The following ALDH6A1 variants were observed in gnomAD, a reference collection of about 807,000 sequenced individuals.
The protein encoded by ALDH6A1 is aldehyde dehydrogenase 6 family member A1, also known as methylmalonate-semialdehyde/malonate-semialdehyde dehydrogenase [acylating], mitochondrial.
In ALDH6A1, 43 loss-of-function variants were observed where a neutral mutation model predicts 62.6. That is an observed-to-expected ratio of 0.69 (90% CI 0.54 to 0.89). The LOEUF (loss-of-function observed/expected upper bound fraction) is 0.89, where lower values mean the gene tolerates loss of function less well. Among genes scored for constraint, ALDH6A1 ranks in the 40% least tolerant of loss-of-function variants. The probability of loss-of-function intolerance (pLI) is 0.00; values close to 1 mark genes in which losing one functional copy is unlikely to be tolerated. For missense variants in ALDH6A1, 551 were observed against 661.3 expected, an observed-to-expected ratio of 0.83 and a Z score of 1.83; for synonymous variants, 194 against 234.2, an observed-to-expected ratio of 0.83 and a Z score of 1.57.
intron 1 of ALDH6A1, 105 bp from the exon 2 acceptor site, chr14:74,075,122 G>A: frequency 9.9e-7 from 1 of 1,009,652 alleles, no homozygotes; most frequent in South Asian, 1.4e-5. Flanking sequence ...TAGGGGGTAT[G>A]TTTCTCTCAA....
intron 4 of ALDH6A1, 93 bp from the exon 5 acceptor site, chr14:74,072,067 C>T: frequency 6.4e-7 from 1 of 1,558,510 alleles, no homozygotes; most frequent in Non-Finnish European, 8.8e-7. Flanking sequence ...GGAGGAGATG[C>T]AGTACAAGGG....
chr14:74,069,415 A>G (rs1049393359), intron 6 of ALDH6A1, among the ~76,000 whole-genome samples: 1 of 151,570 alleles, frequency 6.6e-6, no homozygotes, highest in Non-Finnish European at 1.5e-5. Flanking sequence ...GTTTTTCTGT[A>G]CTGGATTCTC....
At chr14:74,070,084 G>A (rs997746645) in intron 6 of ALDH6A1, among the ~76,000 whole-genome samples, 4 of 151,748 alleles carry the variant, frequency 2.6e-5, no homozygotes, top group Non-Finnish European at 2.9e-5. Flanking sequence ...CAAGTGATCC[G>A]CCTGCCTTCA....
intron 6 of ALDH6A1, 43 bp from the exon 7 acceptor site, chr14:74,069,024 G>A: frequency 6.2e-7 from 1 of 1,603,254 alleles, no homozygotes; most frequent in Non-Finnish European, 8.5e-7. Context: ...GGAGCAAATG[G>A]ATTCTCAACA....
rs557018466 is a variant in ALDH6A1 at position 74,071,739 on chromosome 14, G to C, written c.427+157C>G. ...TAAAGAGTAAAGTAAATCAGTCTTAGGGATACTGAATACTGCCATTTTTCA... is the reference window on the plus strand; with the variant it reads ...TAAAGAGTAAAGTAAATCAGTCTTACGGATACTGAATACTGCCATTTTTCA... On this transcript the variant is annotated intron_variant, in intron 5 of 11. Transcript: ENST00000553458. 27 of 1,444,640 alleles carry C rather than the reference G, an allele frequency of 1.9e-5. No individual in the cohort carries two copies. The East Asian group carries it at 6.0e-4, about 32-fold the overall frequency. The allele number at this position is 1,444,640 out of a possible 1,614,324, so 89.5% of individuals were successfully genotyped here.
Position 74,057,334 on chromosome 14 carries a change from T to A in ALDH6A1, c.*3308A>T, listed in dbSNP as rs1311726938. 1.9e-6 allele frequency: 3 copies of A among 1,598,556 alleles called. No homozygotes were observed. The highest frequency in any genetic ancestry group is 2.6e-6 in the Non-Finnish European group (3 of 1,171,606). On this transcript the variant is annotated 3_prime_UTR_variant, in exon 12 of 12. Coordinates refer to ENST00000553458, the MANE Select transcript of ALDH6A1 (RefSeq NM_005589.4). ...CATGTCGCTTCTTGCTAAATCACGG[T>A]TATTTTCTCTACTAGTTGAGAGACT...
rs2139723860 is a variant in ALDH6A1, at chr14:74,060,552, C to A, written c.*90G>T. The A allele has an allele frequency of 1.0e-6, 1 of 978,106 alleles. No homozygotes were observed. 60.6% of individuals were successfully genotyped at this position (978,106 alleles called of 1,614,324 possible). On this transcript the variant is annotated 3_prime_UTR_variant, in exon 12 of 12. Transcript: ENST00000553458. ...TAGTTACAATGTATTCCAATCCCAT[C>A]GATCTGATCTGAGCAAAGCTGACAA...
chr14:74,067,571 TA>T lies in ALDH6A1; in HGVS notation c.853-3del, dbSNP rs528185481. The stretch of plus-strand genomic sequence containing the variant: ...GACTACCCCATGGTTCTTGGCTCCC[TA>T]AAAAAAAATGCAGAAAGCACATGAG... On this transcript the variant is annotated splice_region_variant and splice_polypyrimidine_tract_variant and intron_variant, in intron 7 of 11. Coordinates refer to ENST00000553458, the MANE Select transcript of ALDH6A1 (RefSeq NM_005589.4). 8.7e-5 allele frequency: 135 copies of T among 1,555,220 alleles called. No homozygotes were observed. Among genetic ancestry groups the T allele is most frequent in the Non-Finnish European group, 8.1e-5 (92 of 1,135,646 alleles).
chr14:74,082,343 C>T (rs4903179), intron 1 of ALDH6A1, among the ~76,000 whole-genome samples: 36,141 of 148,454 alleles, frequency 0.24, 4,930 homozygotes, highest in South Asian at 0.46. Context: ...ACTTTCTCCT[C>T]TATAAATCCT....
chr14:74,073,854 G>A (rs1209079214), intron 2 of ALDH6A1, among the ~76,000 whole-genome samples: 2 of 148,494 alleles, frequency 1.3e-5, no homozygotes, highest in Non-Finnish European at 3.0e-5. Context: ...GGAGGTGGAG[G>A]TTGCAGTGAG....
In ALDH6A1 at chr14:74,057,785, T is replaced by A; in HGVS notation, c.*2857A>T. 1 of 1,088,624 alleles carries A rather than the reference T, an allele frequency of 9.2e-7. No homozygotes were observed. Among genetic ancestry groups the A allele is most frequent in the Non-Finnish European group, 1.1e-6 (1 of 890,122 alleles). The allele number at this position is 1,088,624 out of a possible 1,614,324, so 67.4% of individuals were successfully genotyped here. Reference sequence around the variant, plus strand: ...GAAAATACTGACTTTTTAGCCGCGATCACATGAATATAACTGATGAGTTTT... The same window carrying A: ...GAAAATACTGACTTTTTAGCCGCGAACACATGAATATAACTGATGAGTTTT... On this transcript the variant is annotated 3_prime_UTR_variant, in exon 12 of 12. Coordinates refer to ENST00000553458, the MANE Select transcript of ALDH6A1 (RefSeq NM_005589.4).
At chr14:74,072,439 A>T in intron 3 of ALDH6A1, 75 bp from the exon 4 acceptor site, 1 of 1,613,312 alleles carries the variant, frequency 6.2e-7, no homozygotes, top group South Asian at 1.1e-5. Context: ...CAGAAGTGGC[A>T]CTATGTGCTT....
In ALDH6A1 at chr14:74,080,614, A is replaced by T. The variant is rs183332530; in HGVS notation, c.48+3733T>A. Among the ~76,000 whole-genome samples, 571 of 151,452 alleles carry T rather than the reference A, an allele frequency of 3.8e-3. 6 individuals carry two copies. The highest frequency in any genetic ancestry group is 0.01 in the African/African-American group (417 of 41,260). On this transcript the variant is annotated intron_variant, in intron 1 of 11. Transcript: ENST00000553458. ...CACCATGCCCAGCTAATTAAAAAAA[A>T]TTTTTTTTTGTAGAGATGGGGCCTC...
intron 9 of ALDH6A1, 123 bp from the exon 10 acceptor site, chr14:74,065,483 T>C: frequency 1.1e-6 from 1 of 904,316 alleles, no homozygotes; most frequent in Non-Finnish European, 1.7e-6. Context: ...TACTAATCTC[T>C]TTTCATTTCA....
rs1235549090 is a variant in ALDH6A1, at chr14:74,059,373, A to G, written c.*1269T>C. On this transcript the variant is annotated 3_prime_UTR_variant, in exon 12 of 12. Coordinates refer to ENST00000553458, the MANE Select transcript of ALDH6A1 (RefSeq NM_005589.4). ...ACAATCCTTGATTTCTGGGCCTAAA[A>G]TAACTTTTGAAATAATTTTCTAAGA... The G allele has an allele frequency of 2.2e-6, 1 of 456,488 alleles. No individual in the cohort carries two copies. Among genetic ancestry groups the G allele is most frequent in the South Asian group, 1.6e-5 (1 of 64,516 alleles). The allele number at this position is 456,488 out of a possible 1,614,324, so 28.3% of individuals were successfully genotyped here.
rs576612358 is a variant in ALDH6A1, at chr14:74,060,278, G to A, written c.*364C>T. ...GCCTCCCAAAATGATGGAATTACAG[G>A]CGTGAGCCACCGCGCCTGGCTGGAA... On this transcript the variant is annotated 3_prime_UTR_variant, in exon 12 of 12. Coordinates refer to ENST00000553458, the MANE Select transcript of ALDH6A1 (RefSeq NM_005589.4). 1 of 249,364 alleles carries A rather than the reference G, an allele frequency of 4.0e-6. No individual in the cohort carries two copies. The highest frequency in any genetic ancestry group is 2.2e-5 in the African/African-American group (1 of 45,106). The allele number at this position is 249,364 out of a possible 1,614,324, so 15.4% of individuals were successfully genotyped here. A position where few individuals can be genotyped will look rare whatever the true frequency, so the allele number is the denominator to read the frequency against.
intron 8 of ALDH6A1, 140 bp from the exon 9 acceptor site, chr14:74,067,026 G>T (rs2060477676): frequency 2.4e-6 from 2 of 828,608 alleles, no homozygotes. Flanking sequence ...GACCAGCCTG[G>T]GCAACAAAGT....
In ALDH6A1 at chr14:74,065,264, T is replaced by A. The variant is rs2060442838; in HGVS notation, c.1321A>T (p.Asn441Tyr). ...ATGGCAGTTCCATTTCCATATGGGT[T>A]GTTATTTACAATCTGGATGGCTTCA... ...LDEAIQIVNN[N>Y]PYGNGTAIFT... is the part of the protein sequence containing the mutation. Residue 441 changes from asparagine (N) to tyrosine (Y), a missense_variant, in exon 10 of 12, where the codon AAC becomes TAC. Physicochemically the swap from Asn to Tyr is moderately radical, Grantham distance 143. Coordinates refer to ENST00000553458, the MANE Select transcript of ALDH6A1 (RefSeq NM_005589.4). The A allele has an allele frequency of 6.2e-7, 1 of 1,614,180 alleles. No individual in the cohort carries two copies. Among genetic ancestry groups the A allele is most frequent in the Non-Finnish European group, 8.5e-7 (1 of 1,180,024 alleles).
At position 74,070,253 on chromosome 14, in the gene ALDH6A1, T is replaced by G. The variant is rs140358454; in HGVS notation, c.730+942A>C. Among the ~76,000 whole-genome samples the G allele has an allele frequency of 3.6e-3, 548 of 152,032 alleles. 4 individuals carry two copies. The highest frequency in any genetic ancestry group is 0.012 in the African/African-American group (516 of 41,498). On this transcript the variant is annotated intron_variant, in intron 6 of 11. Coordinates refer to ENST00000553458, the MANE Select transcript of ALDH6A1 (RefSeq NM_005589.4). ...ATAACAATAGGCAAGGCACAGTGGC[T>G]CACACCTGTAATCCCAGCACTTTGG...
Sources: gnomAD v4.1 joint callset for allele counts (sites outside exome capture counted in the v4.1 genomes callset) on GRCh38, gnomAD v4.1.1 for gene constraint, MANE v1.5 for transcripts, NCBI Gene and HGNC (gene_info 2026-07-23, HGNC 2026-07-21) for gene names.